Variants in BAIAP2L2 observed in about 807,000 individuals in gnomAD.
BAIAP2L2 encodes the protein BAR/IMD domain-containing adapter protein 2-like 2.
BAIAP2L2 carries 65 observed loss-of-function variants against 60.4 expected under a neutral mutation model. The ratio of observed to expected loss-of-function variants is 1.08; its 90% CI spans 0.88 to 1.32. BAIAP2L2 has a LOEUF of 1.32. Ranked by LOEUF, BAIAP2L2 falls within the 40% of genes most tolerant of loss-of-function variation. BAIAP2L2 has a pLI of 0.00. For missense variants in BAIAP2L2, 836 were observed against 741.2 expected, an observed-to-expected ratio of 1.13 and a Z score of -1.48; for synonymous variants, 344 against 301.7, an observed-to-expected ratio of 1.14 and a Z score of -1.45.
chr22:38,097,329 G>C, intron 6 of BAIAP2L2, 151 bp from the exon 7 acceptor site: 1 of 814,810 alleles, frequency 1.2e-6, no homozygotes, highest in Non-Finnish European at 1.9e-6. Context: ...CCTAGCTCCT[G>C]AGCCTGCCCC....
rs141071050 is a variant in BAIAP2L2 at position 38,093,724 on chromosome 22, G to A, written c.612+3308C>T. On this transcript the variant is annotated intron_variant, in intron 7 of 13. Coordinates refer to ENST00000381669, the MANE Select transcript of BAIAP2L2 (RefSeq NM_025045.6). Reference sequence around the variant, plus strand: ...GACAGTAACAAATAGTAGCGAGGACGTGAAACAACTGGAACCCTCATAAAC... The same window carrying A: ...GACAGTAACAAATAGTAGCGAGGACATGAAACAACTGGAACCCTCATAAAC... Among the ~76,000 whole-genome samples the A allele has an allele frequency of 3.0e-3, 452 of 152,276 alleles. 3 individuals are homozygous for A. Among genetic ancestry groups the A allele is most frequent in the African/African-American group, 0.01 (421 of 41,550 alleles).
intron 7 of BAIAP2L2, among the ~76,000 whole-genome samples, chr22:38,092,408 C>G (rs1194124884): frequency 6.6e-6 from 1 of 152,120 alleles, no homozygotes; most frequent in Non-Finnish European, 1.5e-5. Flanking sequence ...TCCCGAGTAG[C>G]TGTGATTACA....
chr22:38,091,905 C>T (rs572320772), intron 7 of BAIAP2L2, among the ~76,000 whole-genome samples: 4 of 152,218 alleles, frequency 2.6e-5, no homozygotes, highest in South Asian at 2.1e-4. Flanking sequence ...GTCAAGCTCG[C>T]GTTTAAGACA....
chr22:38,098,016 TGCCCACCCGCCCTTCCTG>T, intron 6 of BAIAP2L2, 29 bp downstream of exon 6: 3 of 789,064 alleles, frequency 3.8e-6, no homozygotes, highest in Non-Finnish European at 4.1e-6. Flanking sequence ...CCCCGAGGTC[TGCCCACCCGCCCTTCCTG>T]GCCCACCCCC....
chr22:38,089,279 C>CA, intron 8 of BAIAP2L2, 48 bp from the exon 9 acceptor site: 1 of 23,948 alleles, frequency 4.2e-5, no homozygotes, highest in Non-Finnish European at 6.9e-5. Flanking sequence ...GGGGGGGGGG[C>CA]GGGGCCGCGC....
At chr22:38,105,339 C>CTTTTTTTTT (rs1035690122) in intron 4 of BAIAP2L2, among the ~76,000 whole-genome samples, 1 of 94,964 alleles carries the variant, frequency 1.1e-5, no homozygotes, top group East Asian at 3.1e-4. Context: ...TTTTTCTTTT[C>CTTTTTTTTT]TTTTTTTTTT....
At position 38,098,472 on chromosome 22, in the gene BAIAP2L2, A is replaced by T; in HGVS notation, c.287T>A (p.Phe96Tyr). 6.2e-7 allele frequency: 1 copy of T among 1,613,672 alleles called. No homozygotes were observed. Among genetic ancestry groups the T allele is most frequent in the South Asian group, 1.1e-5 (1 of 91,064 alleles). ...CATGTGCTGCAGCAGGCCTCCATGG[A>T]ATGTCTGCACCTGAGCGGAGTGCAG... ...NSDLEVVVQTFHGGLLQHMEK... is the reference protein window; with the variant it reads ...NSDLEVVVQTYHGGLLQHMEK... Residue 96 changes from phenylalanine to tyrosine, a missense_variant, in exon 5 of 14, where the codon TTC becomes TAC. Transcript: ENST00000381669.
At chr22:38,092,143 A>C (rs112924737) in intron 7 of BAIAP2L2, among the ~76,000 whole-genome samples, 64 of 152,372 alleles carry the variant, frequency 4.2e-4, no homozygotes, top group African/African-American at 1.4e-3. Flanking sequence ...AAACGAGAGA[A>C]GCTAAGGATG....
intron 12 of BAIAP2L2, 108 bp from the exon 13 acceptor site, chr22:38,085,840 G>A: frequency 9.0e-6 from 10 of 1,106,082 alleles, no homozygotes; most frequent in Non-Finnish European, 1.3e-5. Flanking sequence ...GGGCCAGAGA[G>A]CCCCTGCCAT....
chr22:38,099,398 G>T (rs1272475929), intron 4 of BAIAP2L2, among the ~76,000 whole-genome samples: 1 of 152,182 alleles, frequency 6.6e-6, no homozygotes, highest in Non-Finnish European at 1.5e-5. Flanking sequence ...GCCAGGCATG[G>T]TGGTGCGTGC....
intron 4 of BAIAP2L2, among the ~76,000 whole-genome samples, chr22:38,106,803 C>T (rs2086674175): frequency 6.6e-6 from 1 of 152,214 alleles, no homozygotes; most frequent in South Asian, 2.1e-4. Context: ...TTGGAAAGCC[C>T]TCTCTTCTCT....
chr22:38,093,665 G>A (rs1277896276), intron 7 of BAIAP2L2, among the ~76,000 whole-genome samples: 2 of 152,130 alleles, frequency 1.3e-5, no homozygotes, highest in African/African-American at 2.4e-5. Flanking sequence ...ATCAGATATC[G>A]CTTCACACCT....
intron 4 of BAIAP2L2, among the ~76,000 whole-genome samples, chr22:38,106,698 A>C (rs1315969561): frequency 6.6e-6 from 1 of 151,756 alleles, no homozygotes; most frequent in Non-Finnish European, 1.5e-5. Flanking sequence ...ACCAGGCCCC[A>C]CCCCACCTCT....
intron 7 of BAIAP2L2, chr22:38,091,627 G>A (rs1245437814): frequency 1.3e-5 from 2 of 152,034 alleles, no homozygotes; most frequent in African/African-American, 4.8e-5. Context: ...TTTACGAAGT[G>A]AAACAGCCAT....
chr22:38,088,641 G>GC, intron 10 of BAIAP2L2, 107 bp downstream of exon 10: 1 of 1,157,208 alleles, frequency 8.6e-7, no homozygotes, highest in Non-Finnish European at 1.2e-6. Flanking sequence ...ATTGTCCGAG[G>GC]CCCCCGGGGG....
chr22:38,089,363 G>A, intron 8 of BAIAP2L2, 132 bp from the exon 9 acceptor site: 2 of 563,962 alleles, frequency 3.5e-6, no homozygotes, highest in Non-Finnish European at 2.6e-6. Flanking sequence ...GCCACCACGG[G>A]GGCGCGGAGA....
intron 7 of BAIAP2L2, among the ~76,000 whole-genome samples, chr22:38,093,429 T>G (rs2145977118): frequency 6.6e-6 from 1 of 152,340 alleles, no homozygotes; most frequent in Admixed American, 6.5e-5. Flanking sequence ...AAAATCTGCC[T>G]GTTCAACCCA....
chr22:38,104,766 G>A (rs2086631242), intron 4 of BAIAP2L2, among the ~76,000 whole-genome samples: 1 of 152,120 alleles, frequency 6.6e-6, no homozygotes, highest in African/African-American at 2.4e-5. Context: ...AAAGTGCTGG[G>A]ATTACAGGCG....
At chr22:38,109,985 C>T (rs2086771282) in intron 1 of BAIAP2L2, among the ~76,000 whole-genome samples, 1 of 141,476 alleles carries the variant, frequency 7.1e-6, no homozygotes, top group Non-Finnish European at 1.5e-5. Flanking sequence ...CTGCAACAAC[C>T]CCCCGGGGGT....
Sources: allele counts gnomAD v4.1 joint callset (sites outside exome capture counted in the v4.1 genomes callset), GRCh38; gene constraint gnomAD v4.1.1; transcripts MANE v1.5; gene names NCBI Gene and HGNC (gene_info 2026-07-23, HGNC 2026-07-21).